Variants in SHC4 observed in about 807,000 individuals in gnomAD.
SHC4 encodes SHC-transforming protein 4.
A neutral mutation model predicts 69.4 loss-of-function variants in SHC4; 41 were observed. The ratio of observed to expected loss-of-function variants is 0.59; its 90% CI spans 0.46 to 0.77. SHC4 has a LOEUF of 0.77. SHC4 is among the 30% of genes least tolerant of loss of function. The pLI is 0.00. For missense variants in SHC4, 777 were observed against 783.8 expected, an observed-to-expected ratio of 0.99 and a Z score of 0.10; for synonymous variants, 318 against 299.3, an observed-to-expected ratio of 1.06 and a Z score of -0.64.
chr15:48,927,041 A>G (rs532424219), intron 1 of SHC4, among the ~76,000 whole-genome samples: 7 of 152,122 alleles, frequency 4.6e-5, no homozygotes, highest in African/African-American at 1.7e-4. Context: ...GGGTACCTTA[A>G]GGAAGTTGTG....
intron 1 of SHC4, among the ~76,000 whole-genome samples, chr15:48,933,062 C>T (rs1900999425): frequency 6.6e-6 from 1 of 152,050 alleles, no homozygotes; most frequent in African/African-American, 2.4e-5. Flanking sequence ...AAACTCAGTG[C>T]TTAATAATAA....
chr15:48,890,525 T>C (rs1900118333), intron 3 of SHC4, among the ~76,000 whole-genome samples: 1 of 152,162 alleles, frequency 6.6e-6, no homozygotes, highest in Non-Finnish European at 1.5e-5. Flanking sequence ...AGCCCAGGGC[T>C]TTCTCCCCTC....
At chr15:48,867,448 C>A (rs1038491763) in intron 6 of SHC4, among the ~76,000 whole-genome samples, 3 of 151,740 alleles carry the variant, frequency 2.0e-5, no homozygotes, top group African/African-American at 7.3e-5. Flanking sequence ...CACAGACACA[C>A]ACACACACCA....
chr15:48,928,039 T>C (rs1900887715), intron 1 of SHC4, among the ~76,000 whole-genome samples: 1 of 152,156 alleles, frequency 6.6e-6, no homozygotes, highest in Non-Finnish European at 1.5e-5. Flanking sequence ...TTTTGTTCAA[T>C]TCTATTGTAC....
At chr15:48,889,805 T>C (rs984598001) in intron 3 of SHC4, among the ~76,000 whole-genome samples, 4 of 152,036 alleles carry the variant, frequency 2.6e-5, no homozygotes, top group Non-Finnish European at 4.4e-5. Context: ...GATCGCACCA[T>C]TGCACTCCAA....
chr15:48,927,240 G>A (rs1434512315), intron 1 of SHC4, among the ~76,000 whole-genome samples: 3 of 152,208 alleles, frequency 2.0e-5, no homozygotes, highest in African/African-American at 4.8e-5. Context: ...ACCTTCCAGC[G>A]CCCTCTTCCA....
chr15:48,824,968 C>T lies in SHC4; in HGVS notation c.*1003G>A, dbSNP rs910688406. ...TGCATTTTGTCTGATCATATCTATA[C>T]GAGGTGCTAAGGATATATGTAGGTG... On this transcript the variant is annotated 3_prime_UTR_variant, in exon 12 of 12. Coordinates refer to ENST00000332408, the MANE Select transcript of SHC4 (RefSeq NM_203349.4). 2.6e-5 allele frequency: 4 copies of T among 152,380 alleles called. No individual in the cohort carries two copies. The highest frequency in any genetic ancestry group is 7.2e-5 in the African/African-American group (3 of 41,460). 9.4% of individuals were successfully genotyped at this position (152,380 alleles called of 1,614,324 possible).
chr15:48,902,502 A>G (rs186789526), intron 2 of SHC4, among the ~76,000 whole-genome samples: 218 of 152,220 alleles, frequency 1.4e-3, no homozygotes, highest in African/African-American at 5.0e-3. Flanking sequence ...TTGTCTCCCT[A>G]TATAAATCCA....
intron 5 of SHC4, among the ~76,000 whole-genome samples, chr15:48,869,379 C>T (rs189339344): frequency 1.3e-5 from 2 of 152,264 alleles, no homozygotes; most frequent in African/African-American, 4.8e-5. Flanking sequence ...AGAAAGATTA[C>T]TATGTTGGAC....
rs1190474610 is a variant in SHC4 at position 48,856,089 on chromosome 15, C to T, written c.1106G>A (p.Arg369Lys). 1.2e-5 allele frequency: 20 copies of T among 1,613,696 alleles called. No individual in the cohort carries two copies. The highest frequency in any genetic ancestry group is 1.7e-5 in the Non-Finnish European group (20 of 1,179,750). ...TTCATTGTAATATTCATGATCTTCT[C>T]TCTCCTCGGCATGGCTATCAATATG... Reference protein sequence around the residue: ...EVHIDSHAEEREDHEYYNEIP... With the variant: ...EVHIDSHAEEKEDHEYYNEIP... Residue 369 changes from arginine to lysine, a missense_variant, in exon 8 of 12, where the codon AGA becomes AAA. Coordinates refer to ENST00000332408, the MANE Select transcript of SHC4 (RefSeq NM_203349.4).
intron 11 of SHC4, among the ~76,000 whole-genome samples, chr15:48,831,160 T>G (rs1338823201): frequency 6.6e-6 from 1 of 152,102 alleles, no homozygotes; most frequent in Non-Finnish European, 1.5e-5. Context: ...TTAAGCTAAG[T>G]GTTATTACAA....
chr15:48,880,155 G>T (rs933968403), intron 4 of SHC4: 1 of 167,094 alleles, frequency 6.0e-6, no homozygotes, highest in Non-Finnish European at 1.5e-5. Flanking sequence ...TAGCAGTAAA[G>T]AACGAATATC....
At chr15:48,873,475 T>G (rs978976802) in intron 4 of SHC4, among the ~76,000 whole-genome samples, 1 of 152,396 alleles carries the variant, frequency 6.6e-6, no homozygotes, top group African/African-American at 2.4e-5. Context: ...CCGGGCGCAG[T>G]GGCTCACGCC....
At chr15:48,955,970 C>T (rs763573355) in intron 1 of SHC4, among the ~76,000 whole-genome samples, 7 of 152,124 alleles carry the variant, frequency 4.6e-5, no homozygotes, top group South Asian at 4.1e-4. Context: ...ACTCACTGAT[C>T]TCTAAGACTC....
chr15:48,832,294 G>A (rs952494628), intron 11 of SHC4, among the ~76,000 whole-genome samples: 1 of 152,060 alleles, frequency 6.6e-6, no homozygotes. Context: ...AAGAAAAAAA[G>A]AAAGGATGGT....
chr15:48,857,662 T>A (rs760532799), intron 7 of SHC4, 30 bp downstream of exon 7: 10 of 1,563,454 alleles, frequency 6.4e-6, no homozygotes, highest in Admixed American at 1.8e-5. Context: ...ATATATATAT[T>A]GTCAAATTAT....
intron 10 of SHC4, among the ~76,000 whole-genome samples, chr15:48,840,605 G>A (rs572939445): frequency 5.3e-5 from 8 of 152,296 alleles, no homozygotes; most frequent in Admixed American, 1.3e-4. Flanking sequence ...TAAAGGTGCA[G>A]TTAAGACATT....
chr15:48,844,683 G>A (rs958590160), intron 9 of SHC4, among the ~76,000 whole-genome samples: 3 of 152,192 alleles, frequency 2.0e-5, no homozygotes, highest in African/African-American at 7.2e-5. Context: ...ATCCTCATGT[G>A]TCAAGGGCAG....
Position 48,824,087 on chromosome 15 carries a change from T to C in SHC4, c.*1884A>G, listed in dbSNP as rs1898646024. The C allele has an allele frequency of 6.6e-6, 1 of 152,210 alleles. No individual in the cohort carries two copies. The allele number at this position is 152,210 out of a possible 1,614,324, so 9.4% of individuals were successfully genotyped here. A position where few individuals can be genotyped will look rare whatever the true frequency, so the allele number is the denominator to read the frequency against. The stretch of plus-strand genomic sequence containing the variant: ...CTGATAAAAGTGGTTAGACTACCCA[T>C]ACATTTCTACTGTCTATACTCATGC... On this transcript the variant is annotated 3_prime_UTR_variant, in exon 12 of 12. Transcript: ENST00000332408.
Sources: allele counts gnomAD v4.1 joint callset (sites outside exome capture counted in the v4.1 genomes callset), GRCh38; gene constraint gnomAD v4.1.1; transcripts MANE v1.5; gene names NCBI Gene and HGNC (gene_info 2026-07-23, HGNC 2026-07-21).